The following FCHSD2 variants were observed in gnomAD, a reference collection of about 807,000 sequenced individuals.
The protein encoded by FCHSD2 is FCH and double SH3 domains 2.
In FCHSD2, 38 loss-of-function variants were observed where a neutral mutation model predicts 108.1. The observed-to-expected ratio is 0.35, with a 90% CI of 0.27 to 0.46. FCHSD2 has a LOEUF of 0.46. Among genes scored for constraint, FCHSD2 ranks in the 20% least tolerant of loss-of-function variants. The pLI, the probability that FCHSD2 is intolerant of heterozygous loss-of-function variation, is 1.00. For missense variants in FCHSD2, 751 were observed against 897.8 expected (o/e 0.84, Z 2.09); for synonymous variants, 279 against 314.7 (o/e 0.89, Z 1.20).
At chr11:72,982,382 T>G (rs1001186892) in intron 8 of FCHSD2, among the ~76,000 whole-genome samples, 3 of 152,236 alleles carry the variant, frequency 2.0e-5, no homozygotes, top group African/African-American at 7.2e-5. Flanking sequence ...GATTTGTAAA[T>G]TAAGCAATTC....
chr11:73,095,028 TGAATGAAACACA>T (rs1860043712), intron 2 of FCHSD2, among the ~76,000 whole-genome samples: 1 of 152,154 alleles, frequency 6.6e-6, no homozygotes, highest in African/African-American at 2.4e-5. Context: ...AATATAAAGA[TGAATGAAACACA>T]GACCCTGCTC....
chr11:72,842,309 C>T (rs1860983418), intron 17 of FCHSD2, among the ~76,000 whole-genome samples: 1 of 152,234 alleles, frequency 6.6e-6, no homozygotes, highest in Non-Finnish European at 1.5e-5. Context: ...GCAACGCCTT[C>T]CCTCTTCGGT....
At chr11:73,044,262 TA>T (rs994387361) in intron 3 of FCHSD2, among the ~76,000 whole-genome samples, 1 of 151,468 alleles carries the variant, frequency 6.6e-6, no homozygotes, top group African/African-American at 2.4e-5. Flanking sequence ...ATTCCTCAAT[TA>T]AAAAAAAACT....
rs1860998859 is a variant in FCHSD2 at position 72,842,640 on chromosome 11, G to A, written c.1907C>T (p.Pro636Leu). Residue 636 changes from proline to leucine, a missense_variant, in exon 17 of 20, where the codon CCA becomes CTA. Physicochemically the swap from Pro to Leu is moderately conservative, Grantham distance 98 (BLOSUM62 -3). Coordinates refer to ENST00000409418, the MANE Select transcript of FCHSD2 (RefSeq NM_014824.3). ...AGGTACCTGAATCTCTCTCATCCAT[G>A]GAGTGTCACCATTTTCTGAGGCTGA... is the stretch of plus-strand genomic sequence containing the variant. ...ELSASENGDTPWMREIQISPS... is the reference protein window; with the variant it reads ...ELSASENGDTLWMREIQISPS... The A allele has an allele frequency of 6.2e-7, 1 of 1,613,870 alleles. No homozygotes were observed. The highest frequency in any genetic ancestry group is 1.7e-5 in the Admixed American group (1 of 60,008).
intron 9 of FCHSD2, among the ~76,000 whole-genome samples, chr11:72,906,202 T>C (rs1025801374): frequency 1.3e-5 from 2 of 152,242 alleles, no homozygotes; most frequent in African/African-American, 2.4e-5. Context: ...CATTTTTTCA[T>C]GTCTGTTGGC....
intron 8 of FCHSD2, among the ~76,000 whole-genome samples, chr11:72,957,930 TATA>T (rs2135367419): frequency 6.6e-6 from 1 of 152,316 alleles, no homozygotes; most frequent in East Asian, 1.9e-4. Flanking sequence ...AGTTTGGAAT[TATA>T]TAAACATAAA....
chr11:72,883,748 T>C (rs1335710603), intron 12 of FCHSD2, among the ~76,000 whole-genome samples: 3 of 152,020 alleles, frequency 2.0e-5, no homozygotes, highest in Admixed American at 1.3e-4. Context: ...CTGGGCAACA[T>C]GGTGAAACCC....
chr11:72,941,115 TAAGTA>T (rs750648937), intron 8 of FCHSD2: 34 of 502,702 alleles, frequency 6.8e-5, no homozygotes, highest in Non-Finnish European at 1.1e-4. Context: ...ACCACTAATA[TAAGTA>T]AAGTTTGTAA....
At chr11:73,019,668 A>C (rs1453775402) in intron 3 of FCHSD2, among the ~76,000 whole-genome samples, 3 of 152,116 alleles carry the variant, frequency 2.0e-5, no homozygotes, top group Non-Finnish European at 4.4e-5. Flanking sequence ...ACTTCTGTGT[A>C]CTCCATGCAG....
intron 19 of FCHSD2, 72 bp downstream of exon 19, chr11:72,840,805 G>T: frequency 1.7e-6 from 2 of 1,148,532 alleles, no homozygotes; most frequent in Non-Finnish European, 2.6e-6. Flanking sequence ...GGGGCCACGG[G>T]GAAACATTAA....
At chr11:72,990,259 G>A (rs1857385912) in intron 5 of FCHSD2, among the ~76,000 whole-genome samples, 1 of 152,170 alleles carries the variant, frequency 6.6e-6, no homozygotes, top group Non-Finnish European at 1.5e-5. Context: ...ATAGAAACCT[G>A]ATGAGAAGAC....
chr11:72,876,531 G>T (rs753971569), intron 12 of FCHSD2, among the ~76,000 whole-genome samples: 6 of 152,146 alleles, frequency 3.9e-5, no homozygotes, highest in Non-Finnish European at 8.8e-5. Context: ...AATTAATCAA[G>T]AACTTACTAT....
chr11:73,007,762 C>T (rs994690284), intron 4 of FCHSD2, among the ~76,000 whole-genome samples: 1 of 152,176 alleles, frequency 6.6e-6, no homozygotes, highest in Non-Finnish European at 1.5e-5. Flanking sequence ...CACATACACA[C>T]AAATGAATGT....
chr11:73,064,587 A>G (rs2135491477), intron 3 of FCHSD2, among the ~76,000 whole-genome samples: 1 of 152,292 alleles, frequency 6.6e-6, no homozygotes, highest in East Asian at 1.9e-4. Flanking sequence ...CAGACGCAAT[A>G]AAAAATGATA....
intron 9 of FCHSD2, among the ~76,000 whole-genome samples, chr11:72,914,944 G>A (rs907680040): frequency 1.4e-5 from 2 of 145,188 alleles, no homozygotes; most frequent in Non-Finnish European, 3.0e-5. Context: ...GGAATAAAAA[G>A]GCATCCTACA....
intron 4 of FCHSD2, among the ~76,000 whole-genome samples, chr11:73,013,017 C>T (rs563490563): frequency 1.9e-4 from 29 of 152,272 alleles, no homozygotes; most frequent in Middle Eastern, 3.4e-3. Context: ...TCACACCCCT[C>T]GAATCCACCT....
At chr11:73,018,406 C>T (rs1434846956) in intron 3 of FCHSD2, among the ~76,000 whole-genome samples, 1 of 152,144 alleles carries the variant, frequency 6.6e-6, no homozygotes, top group East Asian at 1.9e-4. Context: ...AGTATCTTCG[C>T]CTCTGGCCCT....
chr11:73,044,968 G>T (rs1378740536), intron 3 of FCHSD2, among the ~76,000 whole-genome samples: 1 of 151,890 alleles, frequency 6.6e-6, no homozygotes, highest in Non-Finnish European at 1.5e-5. Context: ...TACTCAGCAG[G>T]CTGAGGCAAG....
chr11:73,049,859 C>T (rs1164739516), intron 3 of FCHSD2, among the ~76,000 whole-genome samples: 2 of 145,354 alleles, frequency 1.4e-5, no homozygotes, highest in Non-Finnish European at 3.1e-5. Context: ...TTATTAAAAG[C>T]ACAAAAGGAC....
Sources: allele counts gnomAD v4.1 joint callset (sites outside exome capture counted in the v4.1 genomes callset), GRCh38; gene constraint gnomAD v4.1.1; transcripts MANE v1.5; gene names NCBI Gene and HGNC (gene_info 2026-07-23, HGNC 2026-07-21).